Variants in OTOGL observed in about 807,000 individuals in gnomAD.
OTOGL encodes otogelin like.
A neutral mutation model predicts 318.5 loss-of-function variants in OTOGL; 285 were observed. The observed-to-expected ratio is 0.89, with a 90% confidence interval of 0.81 to 0.99. The LOEUF (loss-of-function observed/expected upper bound fraction) is 0.99. OTOGL is among the 50% of genes least tolerant of loss of function. The pLI is 0.00. For synonymous variants in OTOGL, 987 were observed against 936.5 expected (o/e 1.05, Z -0.99); for missense variants, 2,899 against 2,845.6 (o/e 1.02, Z -0.43).
rs867074826 is a variant in OTOGL, at chr12:80,308,981, G to C, written c.3334-1630G>C. Among the ~76,000 whole-genome samples, 583 of 149,498 alleles carry C rather than the reference G, an allele frequency of 3.9e-3. 3 individuals are homozygous for C. The highest frequency in any genetic ancestry group is 0.014 in the African/African-American group (557 of 40,394). ...GGAAAGAGAGGGAGAGGGAGACCGT[G>C]GGGAGAGGGAGAGGGAGAGGGAGAG... is the stretch of plus-strand genomic sequence containing the variant. On this transcript the variant is annotated intron_variant, in intron 29 of 58. Coordinates refer to ENST00000547103, the MANE Select transcript of OTOGL (RefSeq NM_001378609.3).
At chr12:80,374,303 C>T (rs781691157) in intron 57 of OTOGL, among the ~76,000 whole-genome samples, 1 of 152,068 alleles carries the variant, frequency 6.6e-6, no homozygotes, top group Non-Finnish European at 1.5e-5. Flanking sequence ...TGAATTAGCA[C>T]CTCCTAATGA....
At chr12:80,312,088 T>C (rs969810634) in intron 30 of OTOGL, among the ~76,000 whole-genome samples, 1 of 152,240 alleles carries the variant, frequency 6.6e-6, no homozygotes, top group African/African-American at 2.4e-5. Flanking sequence ...GTTTTTAGAT[T>C]TCACATTGCA....
chr12:80,231,223 TC>T (rs562688984), intron 8 of OTOGL, among the ~76,000 whole-genome samples: 300 of 152,306 alleles, frequency 2.0e-3, no homozygotes, highest in African/African-American at 6.8e-3. Flanking sequence ...AATTGGTATT[TC>T]TTTAATGTTA....
At chr12:80,327,599 A>G (rs560443056) in intron 35 of OTOGL, among the ~76,000 whole-genome samples, 71 of 152,004 alleles carry the variant, frequency 4.7e-4, no homozygotes, top group African/African-American at 1.6e-3. Flanking sequence ...TTTGTTCTAC[A>G]AACACCGTCA....
intron 34 of OTOGL, among the ~76,000 whole-genome samples, chr12:80,322,170 G>A (rs1385391466): frequency 1.3e-5 from 2 of 152,120 alleles, no homozygotes; most frequent in African/African-American, 4.8e-5. Flanking sequence ...GAGAACCAAG[G>A]GGAGAGCTGT....
At chr12:80,124,584 G>T (rs1273696211) in intron 1 of OTOGL, among the ~76,000 whole-genome samples, 1 of 152,160 alleles carries the variant, frequency 6.6e-6, no homozygotes, top group African/African-American at 2.4e-5. Context: ...GAAAGGCATT[G>T]GTAGCTTGAT....
intron 1 of OTOGL, among the ~76,000 whole-genome samples, chr12:80,150,021 G>A (rs112307304): frequency 3.8e-4 from 58 of 152,274 alleles, no homozygotes; most frequent in African/African-American, 1.3e-3. Context: ...CTTCTGCGTC[G>A]CTCACGCTGG....
At chr12:80,151,817 G>A (rs532051156) in intron 1 of OTOGL, among the ~76,000 whole-genome samples, 90 of 152,298 alleles carry the variant, frequency 5.9e-4, no homozygotes, top group Non-Finnish European at 9.4e-4. Context: ...CTTTAACTTA[G>A]AAGACATTTA....
chr12:80,138,402 C>T (rs1382451822), intron 1 of OTOGL, among the ~76,000 whole-genome samples: 2 of 152,106 alleles, frequency 1.3e-5, no homozygotes, highest in East Asian at 3.9e-4. Context: ...TAGCACAGTT[C>T]TTGGCAAATG....
chr12:80,102,989 G>A, intron 1 of OTOGL: 3 of 910,156 alleles, frequency 3.3e-6, no homozygotes, highest in Admixed American at 1.7e-5. Flanking sequence ...GGATCTTTTT[G>A]CTGTCTTTGT....
At chr12:80,162,898 G>A (rs771875140) in intron 1 of OTOGL, among the ~76,000 whole-genome samples, 10 of 151,972 alleles carry the variant, frequency 6.6e-5, no homozygotes, top group Non-Finnish European at 1.3e-4. Flanking sequence ...TGCCCCCACT[G>A]CTGAGAATGT....
Position 80,110,628 on chromosome 12 carries a change from A to G in OTOGL, c.-20+11023A>G, listed in dbSNP as rs1205506616. 2.0e-5 allele frequency among the ~76,000 whole-genome samples: 3 copies of G among 152,184 alleles called. No homozygotes were observed. In the East Asian group the frequency reaches 5.8e-4, roughly 29 times the overall value. ...TAGTATTCCATGGTGTATTTGTGCC[A>G]CATTTTCTTTATCCAGTCTATCATT... On this transcript the variant is annotated intron_variant, in intron 1 of 58. Coordinates refer to ENST00000547103, the MANE Select transcript of OTOGL (RefSeq NM_001378609.3).
chr12:80,310,701 G>A lies in OTOGL; in HGVS notation c.3424G>A (p.Asp1142Asn), dbSNP rs1886577518. 6.3e-7 allele frequency: 1 copy of A among 1,588,310 alleles called. No homozygotes were observed. The highest frequency in any genetic ancestry group is 2.2e-5 in the East Asian group (1 of 44,736). The change falls in exon 30 of 59, where the codon GAT becomes AAT. Residue 1142 changes from aspartate (D) to asparagine (N), a missense_variant. Coordinates refer to ENST00000547103, the MANE Select transcript of OTOGL (RefSeq NM_001378609.3). The part of the protein sequence containing the change: ...AKKECSILYS[D>N]IFASCRNVID... ...GAAAGAATGCTCCATTTTGTACAGT[G>A]ATATTTTTGCTTCTTGTCGCAATGT...
chr12:80,307,821 A>G (rs1170819687), intron 29 of OTOGL, among the ~76,000 whole-genome samples: 56 of 116,194 alleles, frequency 4.8e-4, no homozygotes, highest in South Asian at 9.0e-4. Flanking sequence ...GCGGCCGGGC[A>G]GAGGCACCCC....
chr12:80,186,837 C>G (rs2137251962), intron 1 of OTOGL, among the ~76,000 whole-genome samples: 1 of 152,220 alleles, frequency 6.6e-6, no homozygotes, highest in South Asian at 2.1e-4. Context: ...GTGCTGCCCT[C>G]TTTTGGCTAA....
chr12:80,217,587 T>C lies in OTOGL; in HGVS notation c.169-11T>C. 4 of 1,508,100 alleles carry C rather than the reference T, an allele frequency of 2.7e-6. No homozygotes were observed. The highest frequency in any genetic ancestry group is 3.6e-6 in the Non-Finnish European group (4 of 1,112,996). 93.4% of individuals were successfully genotyped at this position (1,508,100 alleles called of 1,614,324 possible). ...TTAACTGTATTGCATTCTCATTTCT[T>C]TCTTTCAAAGTTTGAAGCTACTTCT... On this transcript the variant is annotated splice_polypyrimidine_tract_variant and intron_variant, in intron 4 of 58. Transcript: ENST00000547103.
intron 1 of OTOGL, among the ~76,000 whole-genome samples, chr12:80,101,908 T>C (rs1434079453): frequency 2.0e-5 from 3 of 152,236 alleles, no homozygotes; most frequent in Admixed American, 6.5e-5. Flanking sequence ...GCTCCAATAT[T>C]AATCTGTTCC....
chr12:80,258,294 G>A (rs896462951), intron 18 of OTOGL, among the ~76,000 whole-genome samples: 2 of 152,022 alleles, frequency 1.3e-5, no homozygotes, highest in African/African-American at 4.8e-5. Flanking sequence ...TATGCTCACT[G>A]TTCCAGCTAT....
chr12:80,245,035 G>A, intron 11 of OTOGL, among the ~76,000 whole-genome samples: 1 of 144,764 alleles, frequency 6.9e-6, no homozygotes. Context: ...AAATTTGTTT[G>A]AGTTCATTGT....
Sources: gnomAD v4.1 joint callset for allele counts (sites outside exome capture counted in the v4.1 genomes callset) on GRCh38, gnomAD v4.1.1 for gene constraint, MANE v1.5 for transcripts, NCBI Gene and HGNC (gene_info 2026-07-23, HGNC 2026-07-21) for gene names.